The following MFSD8 variants were observed in gnomAD, a reference collection of about 807,000 sequenced individuals.
The protein encoded by MFSD8 is major facilitator superfamily domain containing 8, also known as major facilitator superfamily domain-containing protein 8.
Under a neutral mutation model 66.4 loss-of-function variants are expected in MFSD8, and 55 were observed. The ratio of observed to expected loss-of-function variants is 0.83; its 90% CI spans 0.67 to 1.04. The LOEUF is 1.04. Among genes scored for constraint, MFSD8 ranks in the 50% least tolerant of loss-of-function variants. The pLI, the probability that MFSD8 is intolerant of heterozygous loss-of-function variation, is 0.00. For missense variants in MFSD8, 550 were observed against 627.6 expected, an observed-to-expected ratio of 0.88 and a Z score of 1.32; for synonymous variants, 202 against 212.8, an observed-to-expected ratio of 0.95 and a Z score of 0.44.
intron 2 of MFSD8, among the ~76,000 whole-genome samples, chr4:127,956,837 AGAT>A (rs1742973618): frequency 6.6e-6 from 1 of 151,744 alleles, no homozygotes; most frequent in Admixed American, 6.6e-5. Context: ...AAAAAAAAAA[AGAT>A]GAAATACTTT....
chr4:127,939,597 CTTG>C (rs1739761142), intron 6 of MFSD8: 2 of 242,618 alleles, frequency 8.2e-6, no homozygotes, highest in Non-Finnish European at 1.3e-5. Context: ...AGAGTAAGAT[CTTG>C]TCTCAAAAAA....
chr4:127,952,113 G>A (rs1742079391), intron 2 of MFSD8, among the ~76,000 whole-genome samples: 1 of 151,888 alleles, frequency 6.6e-6, no homozygotes, highest in Admixed American at 6.6e-5. Context: ...TTAATTATTA[G>A]CTTCATTTCA....
At chr4:127,944,175 A>C (rs1267375726) in intron 3 of MFSD8, among the ~76,000 whole-genome samples, 183 bp from the exon 4 acceptor site, 1 of 152,234 alleles carries the variant, frequency 6.6e-6, no homozygotes, top group African/African-American at 2.4e-5. Flanking sequence ...AAATGTGCTA[A>C]CAATAGACTG....
intron 7 of MFSD8, among the ~76,000 whole-genome samples, chr4:127,934,318 CATTT>C (rs1738664282): frequency 6.6e-6 from 1 of 152,082 alleles, no homozygotes. Context: ...AAACCCCTAT[CATTT>C]ATATTTCTGC....
At position 127,930,706 on chromosome 4, in the gene MFSD8, T is replaced by C. The variant is rs570989221; in HGVS notation, c.975A>G (p.Leu325=). Residue 325 remains leucine, a synonymous_variant, in exon 9 of 12, where the codon TTA becomes TTG. Transcript: ENST00000641686. The part of the protein sequence containing the change: ...ALGVEAVVIF[L]GVKLLSKKIG... ...ACTTTTTGGAAAGCAACTTAACTCC[T>C]AAGAAAATAACAACGGCTTCAACCC... The C allele has an allele frequency of 1.9e-5, 30 of 1,613,576 alleles. 1 individual carries two copies. The South Asian group carries it at 3.2e-4, about 17-fold the overall frequency.
chr4:127,927,521 A>T (rs77556766), intron 9 of MFSD8, among the ~76,000 whole-genome samples: 1 of 152,188 alleles, frequency 6.6e-6, no homozygotes, highest in Non-Finnish European at 1.5e-5. Flanking sequence ...TGATCAGTTT[A>T]TCAGGATGTA....
At chr4:127,964,992 C>G in intron 1 of MFSD8, 80 bp downstream of exon 1, 4 of 1,533,296 alleles carry the variant, frequency 2.6e-6, no homozygotes, top group Non-Finnish European at 3.6e-6. Context: ...AGGGTTTGTC[C>G]CAGTGCGGGT....
rs1736124739 is a variant in MFSD8, at chr4:127,919,669, C to T, written c.*961G>A. 6.6e-6 allele frequency: 1 copy of T among 152,094 alleles called. No individual in the cohort carries two copies. Among genetic ancestry groups the T allele is most frequent in the Non-Finnish European group, 1.5e-5 (1 of 68,020 alleles). 9.4% of individuals were successfully genotyped at this position (152,094 alleles called of 1,614,324 possible). On this transcript the variant is annotated 3_prime_UTR_variant, in exon 12 of 12. Transcript: ENST00000641686. ...ATCCAACTAAAATTCTGCAGCTCTA[C>T]ACAACTATGCAGACATAGATTGAAA...
At chr4:127,961,170 T>G (rs1743676544) in intron 1 of MFSD8, among the ~76,000 whole-genome samples, 1 of 152,188 alleles carries the variant, frequency 6.6e-6, no homozygotes, top group Admixed American at 6.5e-5. Flanking sequence ...GACATGTTTG[T>G]GCAATATATT....
intron 3 of MFSD8, among the ~76,000 whole-genome samples, chr4:127,948,734 T>C (rs749528404): frequency 6.6e-6 from 1 of 152,146 alleles, no homozygotes; most frequent in African/African-American, 2.4e-5. Context: ...CTGGTGGCTT[T>C]ATAAGAGAAG....
At position 127,957,918 on chromosome 4, in the gene MFSD8, C is replaced by T. The variant is rs75874472; in HGVS notation, c.63-326G>A. On this transcript the variant is annotated intron_variant, in intron 1 of 11. Coordinates refer to ENST00000641686, the MANE Select transcript of MFSD8 (RefSeq NM_001371596.2). Reference sequence around the variant, plus strand: ...GCAATTTGTAAAAATGAATAAATTACGTCAAGATAAATCAAATAAACTAGC... The same window carrying T: ...GCAATTTGTAAAAATGAATAAATTATGTCAAGATAAATCAAATAAACTAGC... Among the ~76,000 whole-genome samples, 458 of 152,142 alleles carry T rather than the reference C, an allele frequency of 3.0e-3. 4 individuals are homozygous for T. Among genetic ancestry groups the T allele is most frequent in the African/African-American group, 0.011 (438 of 41,492 alleles).
At chr4:127,965,003 G>A in intron 1 of MFSD8, 69 bp downstream of exon 1, 2 of 1,566,414 alleles carry the variant, frequency 1.3e-6, no homozygotes, top group Non-Finnish European at 1.7e-6. Context: ...CAGTGCGGGT[G>A]ACGCCCGGAA....
chr4:127,928,057 T>G (rs1737513412), intron 9 of MFSD8, among the ~76,000 whole-genome samples: 1 of 152,070 alleles, frequency 6.6e-6, no homozygotes, highest in Admixed American at 6.6e-5. Context: ...TGTATTTATT[T>G]ATTTATTTTG....
At chr4:127,945,860 CA>C (rs1740943631) in intron 3 of MFSD8, among the ~76,000 whole-genome samples, 1 of 144,068 alleles carries the variant, frequency 6.9e-6, no homozygotes, top group African/African-American at 2.6e-5. Context: ...TTTTAATTTT[CA>C]AAAAAGCAAT....
rs546184664 is a variant in MFSD8, at chr4:127,919,823, A to T, written c.*807T>A. The stretch of plus-strand genomic sequence containing the variant: ...AAAATAGCAATAATTTTAAGAAACC[A>T]TTTACTGTTTTGTATATATATATAT... On this transcript the variant is annotated 3_prime_UTR_variant, in exon 12 of 12. Coordinates refer to ENST00000641686, the MANE Select transcript of MFSD8 (RefSeq NM_001371596.2). 6.6e-6 allele frequency: 1 copy of T among 152,210 alleles called. No homozygotes were observed. The highest frequency in any genetic ancestry group is 6.5e-5 in the Admixed American group (1 of 15,274). The allele number at this position is 152,210 out of a possible 1,614,324, so 9.4% of individuals were successfully genotyped here.
intron 7 of MFSD8, among the ~76,000 whole-genome samples, chr4:127,934,114 A>G (rs1738629976): frequency 6.6e-6 from 1 of 152,124 alleles, no homozygotes; most frequent in Non-Finnish European, 1.5e-5. Context: ...GTGGTGCCAC[A>G]TGCCTGTAAT....
intron 2 of MFSD8, among the ~76,000 whole-genome samples, chr4:127,954,916 C>A (rs898573502): frequency 6.6e-6 from 1 of 152,028 alleles, no homozygotes; most frequent in East Asian, 1.9e-4. Flanking sequence ...TAAGAAGATG[C>A]AAATCAAAAC....
intron 2 of MFSD8, among the ~76,000 whole-genome samples, chr4:127,955,526 C>T (rs1293942987): frequency 2.4e-5 from 3 of 125,120 alleles, no homozygotes; most frequent in African/African-American, 9.5e-5. Flanking sequence ...GACGACAGAG[C>T]GAGACTTTGT....
intron 9 of MFSD8, among the ~76,000 whole-genome samples, chr4:127,927,680 C>T (rs1392842154): frequency 6.6e-6 from 1 of 152,096 alleles, no homozygotes. Context: ...TACAGTTGTA[C>T]TTTTACAAAA....
Sources: gnomAD v4.1 joint callset for allele counts (sites outside exome capture counted in the v4.1 genomes callset) on GRCh38, gnomAD v4.1.1 for gene constraint, MANE v1.5 for transcripts, NCBI Gene and HGNC (gene_info 2026-07-23, HGNC 2026-07-21) for gene names.